The following PPP2R2B variants were observed in gnomAD, a reference collection of about 807,000 sequenced individuals.
PPP2R2B encodes the protein protein phosphatase 2 regulatory subunit Bbeta.
In PPP2R2B, 5 loss-of-function variants were observed where a neutral mutation model predicts 46.0. The ratio of observed to expected loss-of-function variants is 0.11; its 90% CI spans 0.06 to 0.23. The LOEUF is 0.23. Ranked by LOEUF, PPP2R2B falls within the 10% of genes least tolerant of loss-of-function variation. The probability of loss-of-function intolerance (pLI) is 1.00; values close to 1 mark genes in which losing one functional copy is unlikely to be tolerated. For missense variants in PPP2R2B, 367 were observed against 575.0 expected, an observed-to-expected ratio of 0.64 and a Z score of 3.70; for synonymous variants, 215 against 206.7, an observed-to-expected ratio of 1.04 and a Z score of -0.34.
chr5:146,772,845 G>T (rs1453966444), intron 2 of PPP2R2B, among the ~76,000 whole-genome samples: 2 of 152,098 alleles, frequency 1.3e-5, no homozygotes, highest in African/African-American at 4.8e-5. Flanking sequence ...ATACACAAAG[G>T]AATATGGATA....
In PPP2R2B at chr5:146,779,611, A is replaced by G. The variant is rs140058518; in HGVS notation, c.71-78469T>C. 5.2e-3 allele frequency among the ~76,000 whole-genome samples: 796 copies of G among 152,294 alleles called. 3 individuals are homozygous for G. Among genetic ancestry groups the G allele is most frequent in the African/African-American group, 0.018 (746 of 41,558 alleles). On this transcript the variant is annotated intron_variant, in intron 2 of 9. Transcript: ENST00000394411. ...TTAATTAATAATTTCCTTAGAGGCC[A>G]ACAGTCTATTACAACTATGTTCCTT...
chr5:146,890,476 C>T (rs536531425), intron 1 of PPP2R2B, among the ~76,000 whole-genome samples: 4 of 152,140 alleles, frequency 2.6e-5, no homozygotes, highest in African/African-American at 4.8e-5. Flanking sequence ...GGAAACAGCA[C>T]GTGGTAAACT....
chr5:146,744,750 A>C lies in PPP2R2B; in HGVS notation c.71-43608T>G, dbSNP rs970915334. 2.0e-5 allele frequency among the ~76,000 whole-genome samples: 3 copies of C among 152,174 alleles called. No homozygotes were observed. The South Asian group carries it at 6.2e-4, about 32-fold the overall frequency. On this transcript the variant is annotated intron_variant, in intron 2 of 9. Transcript: ENST00000394411. ...TTTTACTGCAAGAAATTGTTTGTGGATCTTATTGAGAATAGCTTAGAGCTT... is the reference window on the plus strand; with the variant it reads ...TTTTACTGCAAGAAATTGTTTGTGGCTCTTATTGAGAATAGCTTAGAGCTT...
chr5:146,627,595 A>C (rs2151065778), intron 7 of PPP2R2B, among the ~76,000 whole-genome samples: 1 of 152,290 alleles, frequency 6.6e-6, no homozygotes, highest in African/African-American at 2.4e-5. Context: ...TTTTAGAAAA[A>C]CATCATGCTC....
At chr5:146,729,282 T>C (rs192826803) in intron 2 of PPP2R2B, among the ~76,000 whole-genome samples, 113 of 152,280 alleles carry the variant, frequency 7.4e-4, no homozygotes, top group African/African-American at 2.6e-3. Context: ...TGATTTAGGG[T>C]ATCTGGCAGA....
chr5:146,671,636 A>G (rs1311294495), intron 5 of PPP2R2B, among the ~76,000 whole-genome samples: 5 of 152,226 alleles, frequency 3.3e-5, no homozygotes, highest in African/African-American at 7.2e-5. Context: ...AGCAGATACT[A>G]TAAGTGACGG....
chr5:146,980,700 T>A (rs1000612988), intron 1 of PPP2R2B, among the ~76,000 whole-genome samples: 2 of 152,220 alleles, frequency 1.3e-5, no homozygotes, highest in Non-Finnish European at 2.9e-5. Context: ...GTCTCTGTTA[T>A]ATTGATTTAC....
chr5:146,665,992 C>T (rs530266566), intron 5 of PPP2R2B, among the ~76,000 whole-genome samples: 13 of 152,204 alleles, frequency 8.5e-5, no homozygotes, highest in African/African-American at 2.9e-4. Flanking sequence ...CTGTGAAGCA[C>T]AATAAAGCGA....
chr5:146,734,157 C>A (rs570448978), intron 2 of PPP2R2B, among the ~76,000 whole-genome samples: 17 of 151,812 alleles, frequency 1.1e-4, no homozygotes, highest in African/African-American at 4.1e-4. Context: ...CTGGCTCAAG[C>A]AGATCCTCCC....
At chr5:146,895,831 A>G (rs1311431646) in intron 1 of PPP2R2B, among the ~76,000 whole-genome samples, 2 of 152,220 alleles carry the variant, frequency 1.3e-5, no homozygotes, top group East Asian at 3.8e-4. Flanking sequence ...CACAAAGTCC[A>G]TCTCCACCAC....
intron 2 of PPP2R2B, among the ~76,000 whole-genome samples, chr5:146,812,901 A>T (rs555826332): frequency 2.8e-5 from 4 of 140,360 alleles, no homozygotes; most frequent in Middle Eastern, 3.4e-3. Context: ...AGTATGGGGA[A>T]AACCACCCCC....
Position 146,657,075 on chromosome 5 carries a change from T to C in PPP2R2B, c.448-6351A>G, listed in dbSNP as rs538229470. 3.3e-5 allele frequency among the ~76,000 whole-genome samples: 5 copies of C among 152,352 alleles called. No individual in the cohort carries two copies. The South Asian group carries it at 1.0e-3, about 32-fold the overall frequency. ...TCTTCCATGACACCTAAGTGGGGGT[T>C]GGCGGGTCACAGTGCCTTGCTTCAG... is the stretch of plus-strand genomic sequence containing the variant. On this transcript the variant is annotated intron_variant, in intron 5 of 9. Coordinates refer to ENST00000394411, the MANE Select transcript of PPP2R2B (RefSeq NM_181675.4).
At chr5:147,023,473 A>G (rs1196464443) in intron 1 of PPP2R2B, among the ~76,000 whole-genome samples, 1 of 152,224 alleles carries the variant, frequency 6.6e-6, no homozygotes, top group Non-Finnish European at 1.5e-5. Flanking sequence ...AGACCCAACT[A>G]AATACTGCCT....
rs536005083 is a variant in PPP2R2B, at chr5:146,856,651, C to T, written c.70+21351G>A. On this transcript the variant is annotated intron_variant, in intron 2 of 9. Coordinates refer to ENST00000394411, the MANE Select transcript of PPP2R2B (RefSeq NM_181675.4). ...TGATGCTTCAACTTTTGGTAACATA[C>T]AGGTGCATTTACATACTTTCCACAT... The T allele has an allele frequency of 1.4e-5, 16 of 1,134,134 alleles. No individual in the cohort carries two copies. In the African/African-American group the frequency reaches 2.0e-4, roughly 14 times the overall value. The allele number at this position is 1,134,134 out of a possible 1,614,324, so 70.3% of individuals were successfully genotyped here.
In PPP2R2B at chr5:146,940,229, C is replaced by T. The variant is rs898034681; in HGVS notation, c.79+115436G>A. On this transcript the variant is annotated intron_variant, in intron 1 of 8. Coordinates refer to the PPP2R2B transcript ENST00000336640. ...TCCACTCCACTTTGTCTTAATAGAGCTACAAGTCTCAGAGCCCTGCCCTCC... is the reference window on the plus strand; with the variant it reads ...TCCACTCCACTTTGTCTTAATAGAGTTACAAGTCTCAGAGCCCTGCCCTCC... Among the ~76,000 whole-genome samples the T allele has an allele frequency of 3.2e-4, 48 of 152,154 alleles. 1 individual carries two copies. The highest frequency in any genetic ancestry group is 1.1e-3 in the African/African-American group (46 of 41,446).
intron 5 of PPP2R2B, among the ~76,000 whole-genome samples, chr5:146,684,353 A>T (rs1051902408): frequency 6.6e-6 from 1 of 152,196 alleles, no homozygotes; most frequent in African/African-American, 2.4e-5. Flanking sequence ...ATTTGCACTA[A>T]ATCTGGCCTG....
At chr5:146,931,813 A>G (rs764746792) in intron 1 of PPP2R2B, among the ~76,000 whole-genome samples, 7 of 152,196 alleles carry the variant, frequency 4.6e-5, no homozygotes, top group Non-Finnish European at 8.8e-5. Context: ...CTATAAATGG[A>G]AAACACTTCT....
chr5:146,997,662 G>A lies in PPP2R2B; in HGVS notation c.79+58003C>T, dbSNP rs185392591. Among the ~76,000 whole-genome samples the A allele has an allele frequency of 7.9e-4, 120 of 152,244 alleles. 2 individuals carry two copies. The Middle Eastern group carries it at 0.01, about 13-fold the overall frequency. ...AAAATACTACTGCTAAATAATGCAT[G>A]AATATATTCATTATTTTAAGCTAAC... On this transcript the variant is annotated intron_variant, in intron 1 of 8. Transcript: ENST00000336640.
At chr5:146,678,762 G>A (rs1777918855) in intron 5 of PPP2R2B, among the ~76,000 whole-genome samples, 1 of 142,390 alleles carries the variant, frequency 7.0e-6, no homozygotes, top group Non-Finnish European at 1.5e-5. Context: ...GACAAACAGA[G>A]AGCCAAATCA....
Sources: allele counts gnomAD v4.1 joint callset (sites outside exome capture counted in the v4.1 genomes callset), GRCh38; gene constraint gnomAD v4.1.1; transcripts MANE v1.5; gene names NCBI Gene and HGNC (gene_info 2026-07-23, HGNC 2026-07-21).